The following SLC24A2 variants were observed in gnomAD, a reference collection of about 807,000 sequenced individuals.
The protein encoded by SLC24A2 is solute carrier family 24 member 2.
A neutral mutation model predicts 62.0 loss-of-function variants in SLC24A2; 36 were observed. That is an observed-to-expected ratio of 0.58 (90% confidence interval 0.44 to 0.77). The LOEUF (loss-of-function observed/expected upper bound fraction) is 0.77. SLC24A2 is among the 30% of genes least tolerant of loss of function. The pLI is 0.00. For synonymous variants in SLC24A2, 358 were observed against 294.0 expected, an observed-to-expected ratio of 1.22 and a Z score of -2.23; for missense variants, 846 against 817.9, an observed-to-expected ratio of 1.03 and a Z score of -0.42.
intron 2 of SLC24A2, among the ~76,000 whole-genome samples, chr9:19,676,182 C>A (rs189178141): frequency 1.2e-4 from 18 of 152,224 alleles, no homozygotes; most frequent in Admixed American, 2.0e-4. Context: ...GTGGATGATC[C>A]CCCTTTCACA....
the SLC24A2 span, among the ~76,000 whole-genome samples, chr9:19,870,672 T>C: frequency 3.9e-5 from 6 of 152,134 alleles, no homozygotes; most frequent in African/African-American, 1.4e-4. Flanking sequence ...CCAGTACTTG[T>C]TATTTTCCGT....
At chr9:19,977,642 G>A in the SLC24A2 span, among the ~76,000 whole-genome samples, 8 of 152,260 alleles carry the variant, frequency 5.3e-5, no homozygotes, top group African/African-American at 1.9e-4. Flanking sequence ...CTGGACTCTT[G>A]ATATTTCCTG....
chr9:20,150,536 TC>T, the SLC24A2 span, among the ~76,000 whole-genome samples: 2 of 148,250 alleles, frequency 1.3e-5, no homozygotes, highest in Non-Finnish European at 2.9e-5. Flanking sequence ...AAAGCTAATT[TC>T]CTATGCCCAC....
chr9:19,989,084 A>C, the SLC24A2 span, among the ~76,000 whole-genome samples: 1 of 152,218 alleles, frequency 6.6e-6, no homozygotes, highest in Non-Finnish European at 1.5e-5. Context: ...ATGCTACATG[A>C]AAAATTTTAT....
At chr9:19,739,837 C>A (rs544823194) in intron 2 of SLC24A2, among the ~76,000 whole-genome samples, 7 of 152,156 alleles carry the variant, frequency 4.6e-5, no homozygotes, top group African/African-American at 1.7e-4. Context: ...AAACTAAGAA[C>A]TTTATATTAA....
At chr9:19,792,884 G>A (rs1831083), upstream of SLC24A2, among the ~76,000 whole-genome samples, 127,652 of 152,160 alleles carry the variant, frequency 0.84, 54,458 homozygotes, top group Middle Eastern at 0.94. Flanking sequence ...ATTGCAGGCA[G>A]TCAGCACACT....
At chr9:19,567,452 A>G (rs1835700379) in intron 7 of SLC24A2, among the ~76,000 whole-genome samples, 1 of 150,484 alleles carries the variant, frequency 6.6e-6, no homozygotes, top group South Asian at 2.1e-4. Flanking sequence ...AGGCTGAGGC[A>G]GGAGAATGGC....
At chr9:20,135,991 G>A in the SLC24A2 span, among the ~76,000 whole-genome samples, 1 of 152,088 alleles carries the variant, frequency 6.6e-6, no homozygotes, top group African/African-American at 2.4e-5. Context: ...TCTACTATGT[G>A]CCAGATACTA....
chr9:20,021,422 T>A, the SLC24A2 span, among the ~76,000 whole-genome samples: 2 of 152,072 alleles, frequency 1.3e-5, no homozygotes, highest in African/African-American at 4.8e-5. Flanking sequence ...CTAAGGCAGC[T>A]GTTCCAATTG....
chr9:20,077,495 C>T, the SLC24A2 span, among the ~76,000 whole-genome samples: 3 of 152,126 alleles, frequency 2.0e-5, no homozygotes, highest in Non-Finnish European at 4.4e-5. Flanking sequence ...TTCTACCTCA[C>T]AGTCGGCGCT....
chr9:20,089,286 C>G, the SLC24A2 span, among the ~76,000 whole-genome samples: 1 of 152,098 alleles, frequency 6.6e-6, no homozygotes, highest in Non-Finnish European at 1.5e-5. Flanking sequence ...GGTCCCGGTC[C>G]ACACTTCTCA....
At chr9:19,850,959 A>T in the SLC24A2 span, among the ~76,000 whole-genome samples, 10 of 22,728 alleles carry the variant, frequency 4.4e-4, 1 homozygote, top group African/African-American at 1.3e-3. Flanking sequence ...ATATATATAT[A>T]TATATATGTA....
chr9:20,115,988 T>C, the SLC24A2 span, among the ~76,000 whole-genome samples: 5 of 152,136 alleles, frequency 3.3e-5, no homozygotes, highest in Admixed American at 3.3e-4. Context: ...ACAATGGAAA[T>C]CTTAAGCAGC....
chr9:19,947,202 A>C, the SLC24A2 span, among the ~76,000 whole-genome samples: 1 of 152,210 alleles, frequency 6.6e-6, no homozygotes, highest in South Asian at 2.1e-4. Context: ...GAAAGCTAAA[A>C]CAAATGGATT....
At chr9:20,081,069 G>A in the SLC24A2 span, among the ~76,000 whole-genome samples, 1 of 152,202 alleles carries the variant, frequency 6.6e-6, no homozygotes, top group Non-Finnish European at 1.5e-5. Context: ...AGTCAGTGTG[G>A]CGATTCCTCA....
At chr9:19,662,530 C>T (rs1819131250) in intron 2 of SLC24A2, among the ~76,000 whole-genome samples, 2 of 152,118 alleles carry the variant, frequency 1.3e-5, no homozygotes, top group Admixed American at 1.3e-4. Context: ...TGTTAGTTAC[C>T]CTCCAAGGCA....
At chr9:20,091,054 A>G in the SLC24A2 span, among the ~76,000 whole-genome samples, 1 of 152,146 alleles carries the variant, frequency 6.6e-6, no homozygotes, top group Non-Finnish European at 1.5e-5. Context: ...GAATTTCACA[A>G]TACAATAGCA....
At chr9:19,743,093 T>C (rs189434123) in intron 2 of SLC24A2, among the ~76,000 whole-genome samples, 2 of 152,088 alleles carry the variant, frequency 1.3e-5, no homozygotes, top group East Asian at 1.9e-4. Flanking sequence ...TTTTGAAAAA[T>C]GGAGGAATTG....
At chr9:20,019,267 GAA>G in the SLC24A2 span, among the ~76,000 whole-genome samples, 19 of 142,196 alleles carry the variant, frequency 1.3e-4, no homozygotes, top group East Asian at 8.0e-4. Context: ...AAGAAAGAAA[GAA>G]AGAAAGAAAG....
Sources: gnomAD v4.1 joint callset for allele counts (sites outside exome capture counted in the v4.1 genomes callset) on GRCh38, gnomAD v4.1.1 for gene constraint, MANE v1.5 for transcripts, NCBI Gene and HGNC (gene_info 2026-07-23, HGNC 2026-07-21) for gene names.